Variants in RBM46 observed in about 807,000 individuals in gnomAD.
The protein encoded by RBM46 is RNA binding motif protein 46.
In RBM46, 12 loss-of-function variants were observed where a neutral mutation model predicts 43.3. That is an observed-to-expected ratio of 0.28 (90% CI 0.18 to 0.45). RBM46 has a LOEUF of 0.45. Ranked by LOEUF, RBM46 falls within the 20% of genes least tolerant of loss-of-function variation. The pLI is 1.00. For missense variants in RBM46, 412 were observed against 639.1 expected (o/e 0.64, Z 3.83); for synonymous variants, 205 against 207.6 (o/e 0.99, Z 0.11).
intron 1 of RBM46, among the ~76,000 whole-genome samples, chr4:154,790,689 G>A (rs887231146): frequency 3.9e-5 from 6 of 152,156 alleles, no homozygotes; most frequent in South Asian, 2.1e-4. Context: ...TCAGACTAGG[G>A]AAGTTTTAAG....
At chr4:154,800,979 GA>G (rs1199756074) in intron 4 of RBM46, among the ~76,000 whole-genome samples, 7 of 142,740 alleles carry the variant, frequency 4.9e-5, no homozygotes, top group African/African-American at 1.6e-4. Flanking sequence ...CATAGTATTA[GA>G]AATTTTTTTT....
intron 1 of RBM46, chr4:154,790,453 A>C (rs1734027355): frequency 6.6e-6 from 1 of 152,200 alleles, no homozygotes. Context: ...CTGACTTGAT[A>C]TTGCAGTACC....
At chr4:154,782,626 C>G (rs980289284) in intron 1 of RBM46, among the ~76,000 whole-genome samples, 1 of 152,138 alleles carries the variant, frequency 6.6e-6, no homozygotes, top group Admixed American at 6.5e-5. Context: ...GCTGGGACTA[C>G]AGGCGCGCGC....
intron 4 of RBM46, among the ~76,000 whole-genome samples, chr4:154,802,991 T>C (rs909637161): frequency 1.8e-4 from 28 of 152,068 alleles, no homozygotes; most frequent in African/African-American, 6.0e-4. Flanking sequence ...ATTTCCCAAG[T>C]TTGAAAAATA....
At chr4:154,826,784 C>A in intron 4 of RBM46, 2 of 1,409,890 alleles carry the variant, frequency 1.4e-6, no homozygotes. Flanking sequence ...TCTGATGTTG[C>A]TTGAGCTTAC....
rs145773267 is a variant in RBM46 at position 154,799,445 on chromosome 4, A to G, written c.1283A>G (p.Tyr428Cys). Residue 428 changes from tyrosine (Y) to cysteine (C), a missense_variant, in exon 4 of 5, where the codon TAT (tyrosine) becomes TGT (cysteine). Physicochemically the swap from Tyr to Cys is radical, Grantham distance 194 (BLOSUM62 -2). Transcript: ENST00000281722. ...TSQDGKVLLV[Y>C]KIVIPAIANG... Reference sequence around the variant, plus strand: ...CAAGATGGGAAAGTACTCTTGGTGTATAAGATAGTTATTCCTGCTATTGCA... The same window carrying G: ...CAAGATGGGAAAGTACTCTTGGTGTGTAAGATAGTTATTCCTGCTATTGCA... The G allele has an allele frequency of 1.1e-5, 18 of 1,614,060 alleles. No homozygotes were observed. The highest frequency in any genetic ancestry group is 1.4e-5 in the Non-Finnish European group (16 of 1,179,948).
intron 4 of RBM46, among the ~76,000 whole-genome samples, chr4:154,826,614 G>A (rs1024695016): frequency 1.3e-4 from 19 of 151,846 alleles, no homozygotes; most frequent in African/African-American, 4.6e-4. Context: ...ATGTATTTAT[G>A]TCTTCCTGGA....
chr4:154,800,943 T>C (rs997761725), intron 4 of RBM46, among the ~76,000 whole-genome samples: 1 of 152,022 alleles, frequency 6.6e-6, no homozygotes, highest in Admixed American at 6.6e-5. Context: ...CTTTTATATA[T>C]TGTTTAGGCT....
chr4:154,805,142 T>C (rs1409830837), intron 4 of RBM46, among the ~76,000 whole-genome samples: 1 of 152,174 alleles, frequency 6.6e-6, no homozygotes, highest in African/African-American at 2.4e-5. Flanking sequence ...TTTGCTTTCA[T>C]AATTTCAGTG....
At chr4:154,788,810 C>T (rs889243385) in intron 1 of RBM46, among the ~76,000 whole-genome samples, 8 of 152,138 alleles carry the variant, frequency 5.3e-5, no homozygotes, top group South Asian at 2.1e-4. Flanking sequence ...TCTTCCTATC[C>T]ATGAGCATGG....
chr4:154,817,842 T>A (rs1465744235), intron 4 of RBM46, among the ~76,000 whole-genome samples: 1 of 151,850 alleles, frequency 6.6e-6, no homozygotes, highest in Non-Finnish European at 1.5e-5. Context: ...GCCTTTTTTT[T>A]ATACAGTGTT....
At chr4:154,804,123 G>A (rs990228956) in intron 4 of RBM46, among the ~76,000 whole-genome samples, 5 of 152,068 alleles carry the variant, frequency 3.3e-5, no homozygotes, top group Non-Finnish European at 7.4e-5. Context: ...GCAGATTCTG[G>A]CACCATGCTT....
chr4:154,787,115 TTCTACTCTTC>T (rs1733814292), intron 1 of RBM46: 1 of 152,208 alleles, frequency 6.6e-6, no homozygotes, highest in African/African-American at 2.4e-5. Flanking sequence ...ATAAGTGAGT[TTCTACTCTTC>T]TCGGCCATTT....
chr4:154,795,361 T>C (rs1223754572), intron 1 of RBM46, among the ~76,000 whole-genome samples: 1 of 152,212 alleles, frequency 6.6e-6, no homozygotes, highest in African/African-American at 2.4e-5. Flanking sequence ...GTCCTTTTTA[T>C]TTTAAGGAAA....
At chr4:154,820,432 T>C (rs905665995) in intron 4 of RBM46, 63 of 1,467,844 alleles carry the variant, frequency 4.3e-5, no homozygotes, top group Non-Finnish European at 5.6e-5. Flanking sequence ...GGTAAGAGTT[T>C]ATTAGGTAAA....
chr4:154,790,558 A>T (rs1578896228), intron 1 of RBM46: 2 of 152,232 alleles, frequency 1.3e-5, no homozygotes, highest in Non-Finnish European at 2.9e-5. Context: ...TTTCAAATGT[A>T]AATACATCTT....
rs1173054045 is a variant in RBM46, at chr4:154,784,530, A to G, written c.-12+3094A>G. Among the ~76,000 whole-genome samples, 3 of 152,176 alleles carry G rather than the reference A, an allele frequency of 2.0e-5. No homozygotes were observed. The East Asian group carries it at 5.8e-4, about 29-fold the overall frequency. ...GTCTTGGCCTTTTGCTTCATACCTT[A>G]GAGAGGTTTTTTCCTTCTATTTTTT... On this transcript the variant is annotated intron_variant, in intron 1 of 4. Transcript: ENST00000281722.
At chr4:154,785,094 T>C (rs1168170519) in intron 1 of RBM46, among the ~76,000 whole-genome samples, 2 of 152,178 alleles carry the variant, frequency 1.3e-5, no homozygotes, top group East Asian at 3.8e-4. Flanking sequence ...TAAGGGTTTT[T>C]TTTTCTAAAG....
intron 4 of RBM46, among the ~76,000 whole-genome samples, chr4:154,802,934 T>TAAA (rs1483861018): frequency 1.3e-5 from 2 of 152,210 alleles, no homozygotes; most frequent in East Asian, 3.8e-4. Context: ...TAGATCTCTT[T>TAAA]AAGAGTGTAC....
Sources: gnomAD v4.1 joint callset for allele counts (sites outside exome capture counted in the v4.1 genomes callset) on GRCh38, gnomAD v4.1.1 for gene constraint, MANE v1.5 for transcripts, NCBI Gene and HGNC (gene_info 2026-07-23, HGNC 2026-07-21) for gene names.